SEPTIN9: variants seen among roughly 807,000 people sequenced by gnomAD.
The protein encoded by SEPTIN9 is septin-9.
Under a neutral mutation model 56.6 loss-of-function variants are expected in SEPTIN9, and 13 were observed. The observed-to-expected ratio is 0.23, with a 90% CI of 0.15 to 0.37. SEPTIN9 has a LOEUF of 0.37. Ranked by LOEUF, SEPTIN9 falls within the 10% of genes least tolerant of loss-of-function variation. The probability of loss-of-function intolerance (pLI) is 1.00; values close to 1 mark genes in which losing one functional copy is unlikely to be tolerated. For missense variants in SEPTIN9, 650 were observed against 823.1 expected (o/e 0.79, Z 2.57); for synonymous variants, 332 against 334.1 (o/e 0.99, Z 0.07).
Position 77,396,630 on chromosome 17 carries a change from C to T in SEPTIN9, c.77-5429C>T, listed in dbSNP as rs425815. ...GTGTGTGACTGCAGGACCCAGGGCG[C>T]AGTCTTAGGACTCTGATGGGGGAGG... On this transcript the variant is annotated intron_variant, in intron 2 of 11. Coordinates refer to ENST00000427177, the MANE Select transcript of SEPTIN9 (RefSeq NM_001113491.2). Among the ~76,000 whole-genome samples the T allele has an allele frequency of 0.018, 2,760 of 152,222 alleles. 129 individuals are homozygous for T. In the East Asian group the frequency reaches 0.19, roughly 11 times the overall value.
Position 77,310,863 on chromosome 17 carries a change from G to A in SEPTIN9, c.76+3666G>A, listed in dbSNP as rs867617163. On this transcript the variant is annotated intron_variant, in intron 2 of 11. Transcript: ENST00000427177. The surrounding 1 kb of genome is among the most constrained non-coding windows in gnomAD (Gnocchi z 4.7). ...AGCCAACTCCTCTGCCTGACATCCC[G>A]TGTCGCTAGGTCCTGCTCTTCCATC... 9.9e-5 allele frequency among the ~76,000 whole-genome samples: 15 copies of A among 152,200 alleles called. No individual in the cohort carries two copies. The highest frequency in any genetic ancestry group is 2.1e-4 in the South Asian group (1 of 4,822).
chr17:77,485,015 G>T (rs138214075), intron 4 of SEPTIN9, among the ~76,000 whole-genome samples: 1 of 14,848 alleles, frequency 6.7e-5, no homozygotes, highest in Non-Finnish European at 1.5e-4. Context: ...GGTGATGGTG[G>T]TGATTGTGAT....
intron 2 of SEPTIN9, among the ~76,000 whole-genome samples, chr17:77,382,981 G>A (rs545235965): frequency 5.1e-4 from 78 of 152,102 alleles, no homozygotes; most frequent in Non-Finnish European, 9.7e-4. Context: ...CCTGGTGAGG[G>A]AGGAACTCTT....
In SEPTIN9 at chr17:77,382,878, C is replaced by A. The variant is rs77904211; in HGVS notation, c.77-19181C>A. 7.9e-3 allele frequency among the ~76,000 whole-genome samples: 1,199 copies of A among 152,068 alleles called. 12 individuals are homozygous for A. The highest frequency in any genetic ancestry group is 0.026 in the African/African-American group (1,095 of 41,446). On this transcript the variant is annotated intron_variant, in intron 2 of 11. Coordinates refer to ENST00000427177, the MANE Select transcript of SEPTIN9 (RefSeq NM_001113491.2). ...AAGGCGGGGTCCCTCCCTAGCCCCG[C>A]TGCCCTGCCTGGTTGCTGCTCTCAG...
chr17:77,403,844 G>A (rs1020491055), intron 3 of SEPTIN9, among the ~76,000 whole-genome samples: 3 of 152,116 alleles, frequency 2.0e-5, no homozygotes, highest in Non-Finnish European at 4.4e-5. Flanking sequence ...GTACATTCAC[G>A]GTGTTGCGCA....
At chr17:77,373,661 G>C in intron 2 of SEPTIN9, 1 of 1,469,844 alleles carries the variant, frequency 6.8e-7, no homozygotes, top group Non-Finnish European at 9.1e-7. Flanking sequence ...TGCGCTGAGG[G>C]GAGACGGGAC....
At chr17:77,284,904 A>G (rs997309397) in intron 1 of SEPTIN9, among the ~76,000 whole-genome samples, 1 of 152,186 alleles carries the variant, frequency 6.6e-6, no homozygotes, top group Non-Finnish European at 1.5e-5. Context: ...CTGTGATTAC[A>G]GGCATGAGCC....
intron 3 of SEPTIN9, among the ~76,000 whole-genome samples, chr17:77,462,012 C>T (rs2038497191): frequency 6.6e-6 from 1 of 152,210 alleles, no homozygotes; most frequent in Non-Finnish European, 1.5e-5. Flanking sequence ...GCCTTGTGTC[C>T]TCCTATTCAG....
At chr17:77,320,833 A>AT (rs2032891000) in intron 2 of SEPTIN9, among the ~76,000 whole-genome samples, 2 of 152,188 alleles carry the variant, frequency 1.3e-5, no homozygotes, top group Admixed American at 6.5e-5. Context: ...GCAGTTGATT[A>AT]TAGAGGGGGA....
chr17:77,298,453 G>A (rs2031908199), intron 1 of SEPTIN9, among the ~76,000 whole-genome samples: 1 of 152,210 alleles, frequency 6.6e-6, no homozygotes, highest in Admixed American at 6.5e-5. Flanking sequence ...GATGTTTCTG[G>A]GTTACTCAGA....
intron 1 of SEPTIN9, among the ~76,000 whole-genome samples, chr17:77,284,320 A>G (rs894271405): frequency 1.3e-5 from 2 of 152,242 alleles, no homozygotes; most frequent in Non-Finnish European, 2.9e-5. Context: ...GTCTTTTCCA[A>G]TGCGGAAGGC....
rs2144362515 is a variant in SEPTIN9, at chr17:77,444,764, T to C, written c.722-37380T>C. On this transcript the variant is annotated intron_variant, in intron 3 of 11. Coordinates refer to ENST00000427177, the MANE Select transcript of SEPTIN9 (RefSeq NM_001113491.2). ...CTGGATACTGGCCATGAGGATTTTTTCAAGAGCTGGGTTAATAGTGAGACG... is the reference window on the plus strand; with the variant it reads ...CTGGATACTGGCCATGAGGATTTTTCCAAGAGCTGGGTTAATAGTGAGACG... 1.4e-5 allele frequency: 3 copies of C among 218,650 alleles called. No individual in the cohort carries two copies. In the South Asian group the frequency reaches 1.7e-4, roughly 12 times the overall value. 13.5% of individuals were successfully genotyped at this position (218,650 alleles called of 1,614,324 possible). A position where few individuals can be genotyped will look rare whatever the true frequency, so the allele number is the denominator to read the frequency against.
chr17:77,408,954 C>T (rs965366195), intron 3 of SEPTIN9, among the ~76,000 whole-genome samples: 2 of 152,116 alleles, frequency 1.3e-5, no homozygotes, highest in Non-Finnish European at 2.9e-5. Context: ...GAGGGACTCA[C>T]TGGTGTCTGA....
At chr17:77,356,884 T>G (rs915317554) in intron 2 of SEPTIN9, among the ~76,000 whole-genome samples, 2 of 148,764 alleles carry the variant, frequency 1.3e-5, no homozygotes, top group African/African-American at 5.0e-5. Flanking sequence ...CATGACGGAC[T>G]GTTGGTGGGA....
At position 77,449,847 on chromosome 17, in the gene SEPTIN9, T is replaced by A. The variant is rs78928317; in HGVS notation, c.722-32297T>A. 7.1e-3 allele frequency among the ~76,000 whole-genome samples: 1,085 copies of A among 152,284 alleles called. 10 individuals are homozygous for A. The highest frequency in any genetic ancestry group is 0.025 in the African/African-American group (1,036 of 41,538). On this transcript the variant is annotated intron_variant, in intron 3 of 11. Coordinates refer to ENST00000427177, the MANE Select transcript of SEPTIN9 (RefSeq NM_001113491.2). This position sits in a 1 kb window ranked among gnomAD's most constrained non-coding sequence, Gnocchi z 4.6. ...CCGCACTTCCTGGCCTAGACGTGTG[T>A]GTCTTGCTGTAATTTTGGCGACTGG... is the stretch of plus-strand genomic sequence containing the variant.
intron 1 of SEPTIN9, among the ~76,000 whole-genome samples, chr17:77,284,158 G>A (rs1046802882): frequency 1.3e-5 from 2 of 152,214 alleles, no homozygotes; most frequent in Admixed American, 6.5e-5. Context: ...GCTGAGACAC[G>A]AGGATCGCTT....
intron 2 of SEPTIN9, among the ~76,000 whole-genome samples, chr17:77,355,798 C>T (rs895256910): frequency 9.2e-5 from 14 of 151,728 alleles, no homozygotes; most frequent in African/African-American, 1.5e-4. Flanking sequence ...CTGGCTAACA[C>T]GGTGAAACCC....
intron 3 of SEPTIN9, among the ~76,000 whole-genome samples, chr17:77,459,205 C>A (rs2038350224): frequency 6.6e-6 from 1 of 152,234 alleles, no homozygotes; most frequent in African/African-American, 2.4e-5. Context: ...TGCCTAAAGT[C>A]CCTTAGCTGT....
chr17:77,423,920 C>T (rs2036798626), intron 3 of SEPTIN9, among the ~76,000 whole-genome samples: 1 of 151,500 alleles, frequency 6.6e-6, no homozygotes, highest in African/African-American at 2.4e-5. Flanking sequence ...AGGGTGGCCG[C>T]CCGCCCTGAG....
Sources: allele counts gnomAD v4.1 joint callset (sites outside exome capture counted in the v4.1 genomes callset), GRCh38; gene constraint gnomAD v4.1.1; non-coding constraint Gnocchi (gnomAD v3.1); transcripts MANE v1.5; gene names NCBI Gene and HGNC (gene_info 2026-07-23, HGNC 2026-07-21).